The following ANKMY1 variants were observed in gnomAD, a reference collection of about 807,000 sequenced individuals.
ANKMY1 encodes ankyrin repeat and MYND domain containing 1.
In ANKMY1, 98 loss-of-function variants were observed where a neutral mutation model predicts 102.0. That is an observed-to-expected ratio of 0.96 (90% CI 0.82 to 1.14). ANKMY1 has a LOEUF of 1.14. Among genes scored for constraint, ANKMY1 ranks in the 50% most tolerant of loss-of-function variants. The probability of loss-of-function intolerance (pLI) is 0.00; values close to 1 mark genes in which losing one functional copy is unlikely to be tolerated. For missense variants in ANKMY1, 1,330 were observed against 1,347.6 expected (o/e 0.99, Z 0.20); for synonymous variants, 582 against 559.9 (o/e 1.04, Z -0.56).
downstream of ANKMY1, among the ~76,000 whole-genome samples, chr2:240,477,923 G>A (rs529095739): frequency 1.3e-5 from 2 of 152,252 alleles, no homozygotes; most frequent in East Asian, 3.9e-4. Context: ...CGTTGGCCAT[G>A]GTAATATCCA....
intron 14 of ANKMY1, 106 bp downstream of exon 14, chr2:240,500,346 A>G: frequency 2.3e-6 from 3 of 1,300,042 alleles, no homozygotes; most frequent in South Asian, 2.8e-5. Context: ...GGGCGGCGCT[A>G]GGAACCTTGA....
chr2:240,515,365 C>G (rs780611636), intron 9 of ANKMY1, among the ~76,000 whole-genome samples: 4 of 151,866 alleles, frequency 2.6e-5, no homozygotes, highest in Admixed American at 6.6e-5. Flanking sequence ...TGAAACCTCG[C>G]CTCTACTAAA....
the ANKMY1 span, among the ~76,000 whole-genome samples, chr2:240,469,150 A>G: frequency 1.3e-5 from 2 of 152,214 alleles, no homozygotes; most frequent in Non-Finnish European, 1.5e-5. Context: ...TCAGGCTTCC[A>G]GGCACCACCT....
intron 17 of ANKMY1, among the ~76,000 whole-genome samples, chr2:240,479,998 T>C (rs2075173914): frequency 6.6e-6 from 1 of 152,046 alleles, no homozygotes; most frequent in African/African-American, 2.4e-5. Flanking sequence ...GATCACCAGA[T>C]CAGGAGATCG....
rs377526714 is a variant in ANKMY1 at position 240,511,947 on chromosome 2, C to T, written c.2200G>A (p.Ala734Thr). ...AGGGCTGTGTCCGTGCTGTAGTAGG[C>T]TTGGGGAGGGCCTGGCTCATTGCTG... ...KLSNEPGPPQ[A>T]YYSTDTALPE... The change falls in exon 11 of 18, where the codon GCC becomes ACC. Residue 734 changes from alanine to threonine, a missense_variant. Ala to Thr is a moderately conservative substitution (Grantham distance 58). Coordinates refer to ENST00000401804, the MANE Select transcript of ANKMY1 (RefSeq NM_001282771.3). 2.5e-6 allele frequency: 4 copies of T among 1,570,108 alleles called. No homozygotes were observed. Among genetic ancestry groups the T allele is most frequent in the South Asian group, 1.1e-5 (1 of 87,152 alleles).
At chr2:240,479,353 G>GCT (rs1472068033), downstream of ANKMY1, 1 of 557,286 alleles carries the variant, frequency 1.8e-6, no homozygotes, top group Non-Finnish European at 3.2e-6. Context: ...TCAAAGCCAG[G>GCT]GGCAGAGGCA....
intron 13 of ANKMY1, among the ~76,000 whole-genome samples, chr2:240,505,751 T>G (rs1201451334): frequency 1.3e-5 from 2 of 151,964 alleles, no homozygotes; most frequent in Non-Finnish European, 1.5e-5. Flanking sequence ...CAAACAGTAA[T>G]GAAATAAAGA....
At chr2:240,536,340 T>C (rs2086733034) in intron 4 of ANKMY1, among the ~76,000 whole-genome samples, 1 of 152,164 alleles carries the variant, frequency 6.6e-6, no homozygotes. Context: ...TCAAATGGCA[T>C]GCTCAACTGA....
rs571856408 is a variant in ANKMY1 at position 240,511,377 on chromosome 2, C to T, written c.2286+484G>A. Among the ~76,000 whole-genome samples, 207 of 152,364 alleles carry T rather than the reference C, an allele frequency of 1.4e-3. 1 individual carries two copies. The Middle Eastern group carries it at 0.024, about 18-fold the overall frequency. The stretch of plus-strand genomic sequence containing the variant: ...AGCTGAGACTTGGCCTCAGTTTCCC[C>T]GCATCCACCCCAGCCGCTGGGCATC... On this transcript the variant is annotated intron_variant, in intron 11 of 17. Transcript: ENST00000401804.
chr2:240,532,396 C>T (rs991733409), intron 4 of ANKMY1, among the ~76,000 whole-genome samples: 3 of 152,170 alleles, frequency 2.0e-5, no homozygotes, highest in Non-Finnish European at 2.9e-5. Flanking sequence ...TTCAAATACA[C>T]ATTCAAATTC....
chr2:240,480,325 G>T (rs925042677), intron 17 of ANKMY1, among the ~76,000 whole-genome samples: 2 of 152,238 alleles, frequency 1.3e-5, no homozygotes, highest in African/African-American at 2.4e-5. Flanking sequence ...ACCCAGCCAG[G>T]TCCCAGTAGA....
intron 15 of ANKMY1, among the ~76,000 whole-genome samples, chr2:240,484,153 A>G (rs2075769809): frequency 6.6e-6 from 1 of 152,230 alleles, no homozygotes; most frequent in African/African-American, 2.4e-5. Context: ...ATATGTGTAC[A>G]TGTGTCTTTA....
chr2:240,511,162 C>T (rs2080107156), intron 11 of ANKMY1, among the ~76,000 whole-genome samples: 1 of 152,194 alleles, frequency 6.6e-6, no homozygotes, highest in Non-Finnish European at 1.5e-5. Flanking sequence ...CCCAGTGTCA[C>T]CCGCATGCCC....
At chr2:240,535,205 C>T (rs1018004832) in intron 4 of ANKMY1, among the ~76,000 whole-genome samples, 1 of 152,128 alleles carries the variant, frequency 6.6e-6, no homozygotes, top group African/African-American at 2.4e-5. Flanking sequence ...TTTAGGGAGG[C>T]ATGAGACATC....
At chr2:240,532,014 G>C in intron 4 of ANKMY1, 1 of 431,694 alleles carries the variant, frequency 2.3e-6, no homozygotes, top group Non-Finnish European at 4.8e-6. Flanking sequence ...ATTGTGAGTA[G>C]GTCTAACATA....
At chr2:240,526,831 C>T (rs1300554276) in intron 5 of ANKMY1, 1 of 1,185,432 alleles carries the variant, frequency 8.4e-7, no homozygotes, top group African/African-American at 1.6e-5. Flanking sequence ...CCAACACCCA[C>T]ATTCCACCCT....
chr2:240,529,619 T>G lies in ANKMY1; in HGVS notation c.481-110A>C. 4.6e-6 allele frequency: 5 copies of G among 1,081,576 alleles called. No homozygotes were observed. Among genetic ancestry groups the G allele is most frequent in the Non-Finnish European group, 6.5e-6 (5 of 774,404 alleles). 67.0% of individuals were successfully genotyped at this position (1,081,576 alleles called of 1,614,324 possible). The stretch of plus-strand genomic sequence containing the variant: ...CAAAAAAGAAAACTTTCCCAAGAAA[T>G]GCATGCATTCAGCCAGTAAACATCT... On this transcript the variant is annotated intron_variant, in intron 4 of 17. Transcript: ENST00000401804. The surrounding 1 kb of genome is among the most constrained non-coding windows in gnomAD (Gnocchi z 4.2).
intron 4 of ANKMY1, among the ~76,000 whole-genome samples, chr2:240,537,705 G>A (rs1318716135): frequency 6.6e-6 from 1 of 152,220 alleles, no homozygotes; most frequent in African/African-American, 2.4e-5. Flanking sequence ...CTATAATGGT[G>A]TCAAATCAAG....
In ANKMY1 at chr2:240,520,066, C is replaced by T. The variant is rs1020376381; in HGVS notation, c.2004+296G>A. On this transcript the variant is annotated intron_variant, in intron 9 of 17. Coordinates refer to ENST00000401804, the MANE Select transcript of ANKMY1 (RefSeq NM_001282771.3). The surrounding 1 kb of genome is among the most constrained non-coding windows in gnomAD (Gnocchi z 4.8). Reference sequence around the variant, plus strand: ...CCTCCTGAATATAAGTCTCCCCTTTCCAAGGGGCCTTCAGGATGCGCTTCC... The same window carrying T: ...CCTCCTGAATATAAGTCTCCCCTTTTCAAGGGGCCTTCAGGATGCGCTTCC... 1 of 597,666 alleles carries T rather than the reference C, an allele frequency of 1.7e-6. No individual in the cohort carries two copies. Among genetic ancestry groups the T allele is most frequent in the South Asian group, 1.5e-5 (1 of 65,740 alleles). 37.0% of individuals were successfully genotyped at this position (597,666 alleles called of 1,614,324 possible).
Sources: allele counts gnomAD v4.1 joint callset (sites outside exome capture counted in the v4.1 genomes callset), GRCh38; gene constraint gnomAD v4.1.1; non-coding constraint Gnocchi (gnomAD v3.1); transcripts MANE v1.5; gene names NCBI Gene and HGNC (gene_info 2026-07-23, HGNC 2026-07-21).